The following CREB3L2 variants were observed in gnomAD, a reference collection of about 807,000 sequenced individuals.
CREB3L2 encodes the protein cyclic AMP-responsive element-binding protein 3-like protein 2.
Under a neutral mutation model 57.2 loss-of-function variants are expected in CREB3L2, and 23 were observed. The observed-to-expected ratio is 0.40, with a 90% CI of 0.29 to 0.57. The LOEUF is 0.57. Ranked by LOEUF, CREB3L2 falls within the 20% of genes least tolerant of loss-of-function variation. CREB3L2 has a pLI of 0.42. For missense variants in CREB3L2, 628 were observed against 634.7 expected, an observed-to-expected ratio of 0.99 and a Z score of 0.11; for synonymous variants, 268 against 265.1, an observed-to-expected ratio of 1.01 and a Z score of -0.11.
At position 137,877,524 on chromosome 7, in the gene CREB3L2, G is replaced by T. The variant is rs1799185290; in HGVS notation, c.*2952C>A. On this transcript the variant is annotated 3_prime_UTR_variant, in exon 12 of 12. Coordinates refer to ENST00000330387, the MANE Select transcript of CREB3L2 (RefSeq NM_194071.4). Reference sequence around the variant, plus strand: ...GGGCTGTGAAAAGAACCACGGTGGGGGGTCTGGGTTACTCAGGTCTTATCC... The same window carrying T: ...GGGCTGTGAAAAGAACCACGGTGGGTGGTCTGGGTTACTCAGGTCTTATCC... 2 of 226,490 alleles carry T rather than the reference G, an allele frequency of 8.8e-6. No individual in the cohort carries two copies. The allele number at this position is 226,490 out of a possible 1,614,324, so 14.0% of individuals were successfully genotyped here. A position where few individuals can be genotyped will look rare whatever the true frequency, so the allele number is the denominator to read the frequency against.
rs35730245 is a variant in CREB3L2, at chr7:137,954,895, G to A, written c.103-26529C>T. 6.8e-3 allele frequency among the ~76,000 whole-genome samples: 1,042 copies of A among 152,188 alleles called. 7 individuals are homozygous for A. The highest frequency in any genetic ancestry group is 9.7e-3 in the Non-Finnish European group (662 of 68,010). ...AAGGAATAGAAAGAAGACTACAAAC[G>A]TTGCCTAAGCACAAGTGTAATTAGT... On this transcript the variant is annotated intron_variant, in intron 1 of 11. Coordinates refer to ENST00000330387, the MANE Select transcript of CREB3L2 (RefSeq NM_194071.4).
At chr7:137,991,654 C>G (rs2117328772) in intron 1 of CREB3L2, among the ~76,000 whole-genome samples, 1 of 152,042 alleles carries the variant, frequency 6.6e-6, no homozygotes, top group East Asian at 2.0e-4. Context: ...TGCCTGTAAT[C>G]CCAGCATTTT....
chr7:137,922,607 G>A (rs944377449), intron 2 of CREB3L2: 8 of 437,978 alleles, frequency 1.8e-5, no homozygotes, highest in East Asian at 1.4e-4. Context: ...AAACACATAC[G>A]CAGTTGGTCC....
At chr7:137,982,773 T>C (rs901395101) in intron 1 of CREB3L2, among the ~76,000 whole-genome samples, 7 of 152,152 alleles carry the variant, frequency 4.6e-5, no homozygotes, top group African/African-American at 1.7e-4. Context: ...CAAATTCATA[T>C]GCTGAAGCCC....
At chr7:137,992,054 G>A (rs1037154648) in intron 1 of CREB3L2, among the ~76,000 whole-genome samples, 4 of 151,892 alleles carry the variant, frequency 2.6e-5, no homozygotes, top group African/African-American at 9.7e-5. Context: ...AAAGCTCTTC[G>A]TAATATCAGT....
chr7:137,972,070 C>T (rs900545296), intron 1 of CREB3L2, among the ~76,000 whole-genome samples: 11 of 152,062 alleles, frequency 7.2e-5, no homozygotes, highest in African/African-American at 2.7e-4. Context: ...AAAATCTGAA[C>T]TCTAACACAA....
Position 137,969,643 on chromosome 7 carries a change from G to A in CREB3L2, c.102+31961C>T, listed in dbSNP as rs558493932. Among the ~76,000 whole-genome samples, 18 of 151,856 alleles carry A rather than the reference G, an allele frequency of 1.2e-4. No homozygotes were observed. The South Asian group carries it at 3.1e-3, about 26-fold the overall frequency. Reference sequence around the variant, plus strand: ...TGGGATTACAGGCGTGAGCCACCGCGTCCGGCCTATGATTTTCATTGAGGT... The same window carrying A: ...TGGGATTACAGGCGTGAGCCACCGCATCCGGCCTATGATTTTCATTGAGGT... On this transcript the variant is annotated intron_variant, in intron 1 of 11. Coordinates refer to ENST00000330387, the MANE Select transcript of CREB3L2 (RefSeq NM_194071.4).
At chr7:137,985,155 A>C (rs758961133) in intron 1 of CREB3L2, among the ~76,000 whole-genome samples, 3 of 152,202 alleles carry the variant, frequency 2.0e-5, no homozygotes, top group Non-Finnish European at 2.9e-5. Flanking sequence ...GACATTATGG[A>C]AAGGGGGAAG....
At chr7:137,899,053 AAGAAAAAG>A (rs1799686731) in intron 8 of CREB3L2, among the ~76,000 whole-genome samples, 1 of 149,188 alleles carries the variant, frequency 6.7e-6, no homozygotes, top group African/African-American at 2.5e-5. Flanking sequence ...AAAAGAAAGA[AAGAAAAAG>A]AAAGAGAAAG....
Position 137,915,831 on chromosome 7 carries a change from G to A in CREB3L2, c.495+6C>T. On this transcript the variant is annotated splice_donor_region_variant and intron_variant, in intron 3 of 11. Transcript: ENST00000330387. ...ACCTGTTTAAACAGACGAAAATTGA[G>A]CATACCCCAGTGTTCATTTCCAGAG... 6.2e-7 allele frequency: 1 copy of A among 1,612,236 alleles called. No individual in the cohort carries two copies.
At position 137,881,728 on chromosome 7, in the gene CREB3L2, G is replaced by A. The variant is rs368966394; in HGVS notation, c.1487+684C>T. On this transcript the variant is annotated intron_variant, in intron 11 of 11. Coordinates refer to ENST00000330387, the MANE Select transcript of CREB3L2 (RefSeq NM_194071.4). The stretch of plus-strand genomic sequence containing the variant: ...CCATGTCACACGTAACCAGGAGCAT[G>A]CATGCAGGCCCAGGGACCTCCCCTA... Among the ~76,000 whole-genome samples, 7 of 152,288 alleles carry A rather than the reference G, an allele frequency of 4.6e-5. No homozygotes were observed. In the East Asian group the frequency reaches 9.7e-4, roughly 21 times the overall value.
intron 1 of CREB3L2, among the ~76,000 whole-genome samples, chr7:137,971,678 C>CA (rs35280186): frequency 0.11 from 14,522 of 129,272 alleles, 975 homozygotes; most frequent in African/African-American, 0.21. Flanking sequence ...CTGGATGGTA[C>CA]AAAAAAAAAA....
chr7:137,982,200 A>G (rs911918125), intron 1 of CREB3L2, among the ~76,000 whole-genome samples: 27 of 152,192 alleles, frequency 1.8e-4, no homozygotes, highest in Admixed American at 1.7e-3. Flanking sequence ...TGCACATACA[A>G]TGCCCTAAAG....
chr7:137,989,691 C>T lies in CREB3L2; in HGVS notation c.102+11913G>A, dbSNP rs553642531. Reference sequence around the variant, plus strand: ...GACCCAAGTCTCCAAATGCCCTTTACGTGTCGCTCCTGTGAATGTTCTGCA... The same window carrying T: ...GACCCAAGTCTCCAAATGCCCTTTATGTGTCGCTCCTGTGAATGTTCTGCA... On this transcript the variant is annotated intron_variant, in intron 1 of 11. Transcript: ENST00000330387. Among the ~76,000 whole-genome samples, 7 of 152,242 alleles carry T rather than the reference C, an allele frequency of 4.6e-5. No individual in the cohort carries two copies. In the East Asian group the frequency reaches 5.8e-4, roughly 13 times the overall value.
intron 1 of CREB3L2, among the ~76,000 whole-genome samples, chr7:137,998,919 T>C (rs1802032946): frequency 6.6e-6 from 1 of 152,160 alleles, no homozygotes; most frequent in South Asian, 2.1e-4. Flanking sequence ...AAACACTCAA[T>C]AGATGGTAGC....
At chr7:137,984,107 G>A (rs1801755630) in intron 1 of CREB3L2, among the ~76,000 whole-genome samples, 1 of 152,186 alleles carries the variant, frequency 6.6e-6, no homozygotes, top group Non-Finnish European at 1.5e-5. Flanking sequence ...TGAGATGCAG[G>A]CGTCATTCTC....
At chr7:137,930,483 G>A (rs771480335) in intron 1 of CREB3L2, among the ~76,000 whole-genome samples, 2 of 152,212 alleles carry the variant, frequency 1.3e-5, no homozygotes, top group Non-Finnish European at 2.9e-5. Flanking sequence ...ACACCAGAAG[G>A]GAAGATGGGA....
rs1474219702 is a variant in CREB3L2 at position 138,001,895 on chromosome 7, G to A, written c.-190C>T. 3 of 468,236 alleles carry A rather than the reference G, an allele frequency of 6.4e-6. No individual in the cohort carries two copies. The highest frequency in any genetic ancestry group is 1.1e-5 in the Non-Finnish European group (3 of 262,890). The allele number at this position is 468,236 out of a possible 1,614,324, so 29.0% of individuals were successfully genotyped here. Reference sequence around the variant, plus strand: ...AGAGGATGGCCAAGCGCTCCCGTCCGGTGTCCTCGGAGATCCGAGAATCCC... The same window carrying A: ...AGAGGATGGCCAAGCGCTCCCGTCCAGTGTCCTCGGAGATCCGAGAATCCC... On this transcript the variant is annotated 5_prime_UTR_variant, in exon 1 of 12. Coordinates refer to ENST00000330387, the MANE Select transcript of CREB3L2 (RefSeq NM_194071.4). This position sits in a 1 kb window ranked among gnomAD's most constrained non-coding sequence, Gnocchi z 4.2.
At position 137,875,084 on chromosome 7, in the gene CREB3L2, C is replaced by CTT. The variant is rs59223079; in HGVS notation, c.*5390_*5391dup. 1.7e-4 allele frequency: 29 copies of CTT among 171,272 alleles called. No individual in the cohort carries two copies. Among genetic ancestry groups the CTT allele is most frequent in the Admixed American group, 6.8e-4 (10 of 14,668 alleles). The allele number at this position is 171,272 out of a possible 1,614,324, so 10.6% of individuals were successfully genotyped here. On this transcript the variant is annotated 3_prime_UTR_variant, in exon 12 of 12. Transcript: ENST00000330387. ...AACTAAGTACAAGTGTCCTACAAAGCTTTTTTTTTTTTTTGGTATTTACTT... is the reference window on the plus strand; with the variant it reads ...AACTAAGTACAAGTGTCCTACAAAGCTTTTTTTTTTTTTTTTGGTATTTACTT...
Sources: gnomAD v4.1 joint callset for allele counts (sites outside exome capture counted in the v4.1 genomes callset) on GRCh38, gnomAD v4.1.1 for gene constraint, Gnocchi (gnomAD v3.1) non-coding constraint, MANE v1.5 for transcripts, NCBI Gene and HGNC (gene_info 2026-07-23, HGNC 2026-07-21) for gene names.